NBAS: variants seen among roughly 807,000 people sequenced by gnomAD.
NBAS encodes NAG/BC035112 fusion.
In NBAS, 219 loss-of-function variants were observed where a neutral mutation model predicts 302.5. That is an observed-to-expected ratio of 0.72 (90% CI 0.65 to 0.81). NBAS has a LOEUF of 0.81. Ranked by LOEUF, NBAS falls within the 30% of genes least tolerant of loss-of-function variation. NBAS has a pLI of 0.00. For missense variants in NBAS, 2,932 were observed against 2,841.6 expected, an observed-to-expected ratio of 1.03 and a Z score of -0.72; for synonymous variants, 1,118 against 1,021.6, an observed-to-expected ratio of 1.09 and a Z score of -1.80.
intron 25 of NBAS, among the ~76,000 whole-genome samples, chr2:15,407,122 G>A (rs891364984): frequency 6.6e-6 from 1 of 152,188 alleles, no homozygotes; most frequent in South Asian, 2.1e-4. Flanking sequence ...TATTGGGAAT[G>A]GCATGTATCC....
chr2:15,415,742 CAG>C (rs1417407253), intron 24 of NBAS, 23 bp from the exon 25 acceptor site: 1 of 1,613,604 alleles, frequency 6.2e-7, no homozygotes, highest in Admixed American at 1.7e-5. Flanking sequence ...TCAAGCAAAA[CAG>C]ACAAACAAGA....
chr2:15,329,348 C>G (rs1004715043), intron 36 of NBAS, among the ~76,000 whole-genome samples: 22 of 152,260 alleles, frequency 1.4e-4, no homozygotes, highest in African/African-American at 5.3e-4. Context: ...CACATCCAGA[C>G]CACCAGAAGG....
At chr2:15,097,021 C>T in the NBAS span, among the ~76,000 whole-genome samples, 1 of 152,108 alleles carries the variant, frequency 6.6e-6, no homozygotes, top group South Asian at 2.1e-4. Context: ...GGTGGGCAGA[C>T]AGAGAAGAGA....
chr2:15,134,056 TTCTCTCTCTCTCTC>T, the NBAS span, among the ~76,000 whole-genome samples: 7 of 145,786 alleles, frequency 4.8e-5, no homozygotes, highest in South Asian at 2.3e-4. Flanking sequence ...GAACATTTCT[TTCTCTCTCTCTCTC>T]TCTCTCTCTC....
chr2:14,896,533 C>T, the NBAS span, among the ~76,000 whole-genome samples: 1 of 152,214 alleles, frequency 6.6e-6, no homozygotes, highest in African/African-American at 2.4e-5. Context: ...CGATCCTAAG[C>T]GCAAGGAACC....
chr2:15,067,593 T>C, the NBAS span, among the ~76,000 whole-genome samples: 5 of 152,010 alleles, frequency 3.3e-5, no homozygotes, highest in African/African-American at 9.7e-5. Flanking sequence ...GGACAAGCAC[T>C]GCATGATTCC....
the NBAS span, among the ~76,000 whole-genome samples, chr2:15,078,948 T>TA: frequency 2.0e-5 from 3 of 151,798 alleles, no homozygotes; most frequent in Non-Finnish European, 4.4e-5. Context: ...ACGTAAGGGG[T>TA]AAAAAAAGCA....
chr2:15,288,411 G>T (rs952038797), intron 41 of NBAS, among the ~76,000 whole-genome samples: 1 of 152,156 alleles, frequency 6.6e-6, no homozygotes, highest in Non-Finnish European at 1.5e-5. Context: ...ACCCAGCAGA[G>T]GGTGGGAGGG....
chr2:14,903,346 G>T, the NBAS span, among the ~76,000 whole-genome samples: 1 of 129,486 alleles, frequency 7.7e-6, no homozygotes, highest in Non-Finnish European at 1.7e-5. Flanking sequence ...AAAAAAGAAA[G>T]AAACATGTTG....
the NBAS span, among the ~76,000 whole-genome samples, chr2:14,994,549 G>A: frequency 6.6e-6 from 1 of 152,140 alleles, no homozygotes; most frequent in Admixed American, 6.5e-5. Flanking sequence ...AGGGGCCTTG[G>A]ATGTGGCTGA....
intron 21 of NBAS, among the ~76,000 whole-genome samples, chr2:15,435,864 C>T (rs935852810): frequency 1.7e-4 from 26 of 152,234 alleles, no homozygotes; most frequent in African/African-American, 4.1e-4. Flanking sequence ...TGTCTCCCCA[C>T]TAAAAGTAAA....
chr2:15,553,335 A>G, intron 5 of NBAS, 91 bp downstream of exon 5: 1 of 1,157,704 alleles, frequency 8.6e-7, no homozygotes, highest in South Asian at 1.3e-5. Context: ...ATCCTTTTAA[A>G]TATATCCCCT....
intron 46 of NBAS, 133 bp downstream of exon 46, chr2:15,234,412 C>G (rs1484473212): frequency 1.1e-6 from 1 of 914,088 alleles, no homozygotes; most frequent in Non-Finnish European, 1.7e-6. Context: ...TATGAGAACT[C>G]TAAAAATAAT....
chr2:15,518,204 G>C (rs897794122), intron 9 of NBAS, among the ~76,000 whole-genome samples: 2 of 151,510 alleles, frequency 1.3e-5, no homozygotes, highest in Non-Finnish European at 2.9e-5. Flanking sequence ...ATACTCAAAA[G>C]GAAATTATCA....
chr2:15,186,128 GTA>G (rs897125295), intron 50 of NBAS, among the ~76,000 whole-genome samples: 22 of 148,268 alleles, frequency 1.5e-4, no homozygotes, highest in South Asian at 4.3e-4. Flanking sequence ...ATGTATGTGT[GTA>G]TATATATATA....
intron 29 of NBAS, 87 bp downstream of exon 29, chr2:15,383,128 G>C: frequency 9.0e-7 from 1 of 1,112,710 alleles, no homozygotes. Context: ...TTCCAGGGTA[G>C]CTTATGGTCA....
intron 35 of NBAS, among the ~76,000 whole-genome samples, chr2:15,343,167 G>T (rs1355089109): frequency 6.6e-6 from 1 of 152,086 alleles, no homozygotes; most frequent in African/African-American, 2.4e-5. Flanking sequence ...TGGGCCTAAG[G>T]AGGAAGAGCA....
At chr2:15,101,194 T>A in the NBAS span, among the ~76,000 whole-genome samples, 2 of 152,176 alleles carry the variant, frequency 1.3e-5, no homozygotes, top group Admixed American at 6.5e-5. Context: ...CTTAGAACTA[T>A]GATATCTTGC....
chr2:15,097,136 T>A, the NBAS span, among the ~76,000 whole-genome samples: 1 of 152,136 alleles, frequency 6.6e-6, no homozygotes, highest in African/African-American at 2.4e-5. Context: ...GAGGTATTTA[T>A]GTAGCACCTT....
Sources: gnomAD v4.1 joint callset for allele counts (sites outside exome capture counted in the v4.1 genomes callset) on GRCh38, gnomAD v4.1.1 for gene constraint, MANE v1.5 for transcripts, NCBI Gene and HGNC (gene_info 2026-07-23, HGNC 2026-07-21) for gene names.